The following LMBR1 variants were observed in gnomAD, a reference collection of about 807,000 sequenced individuals.
The protein encoded by LMBR1 is limb region 1 protein homolog.
In LMBR1, 52 loss-of-function variants were observed where a neutral mutation model predicts 73.9. The ratio of observed to expected loss-of-function variants is 0.70; its 90% CI spans 0.56 to 0.89. The LOEUF (loss-of-function observed/expected upper bound fraction) is 0.89, where lower values mean the gene tolerates loss of function less well. LMBR1 is among the 40% of genes least tolerant of loss of function. LMBR1 has a pLI of 0.00. For synonymous variants in LMBR1, 215 were observed against 209.4 expected (o/e 1.03, Z -0.23); for missense variants, 539 against 579.8 (o/e 0.93, Z 0.72).
At chr7:156,702,440 T>C (rs993607593) in intron 15 of LMBR1, among the ~76,000 whole-genome samples, 1 of 152,228 alleles carries the variant, frequency 6.6e-6, no homozygotes, top group South Asian at 2.1e-4. Flanking sequence ...GAACTGTATG[T>C]TCATGTCCTT....
intron 15 of LMBR1, among the ~76,000 whole-genome samples, chr7:156,718,874 T>TA (rs1813821003): frequency 6.6e-6 from 1 of 151,938 alleles, no homozygotes; most frequent in Non-Finnish European, 1.5e-5. Context: ...TTTTTTTTTT[T>TA]ACATAAAAAT....
chr7:156,866,726 C>T (rs1798519337), intron 1 of LMBR1, among the ~76,000 whole-genome samples: 1 of 151,714 alleles, frequency 6.6e-6, no homozygotes, highest in Non-Finnish European at 1.5e-5. Flanking sequence ...GCCTCAGCCT[C>T]CTGAGTAGCT....
At chr7:156,736,570 T>C (rs1451469458) in intron 9 of LMBR1, 4 of 456,982 alleles carry the variant, frequency 8.8e-6, no homozygotes, top group African/African-American at 2.0e-5. Flanking sequence ...TTCTGGCACT[T>C]GTCTTCCTGT....
intron 3 of LMBR1, 26 bp from the exon 4 acceptor site, chr7:156,826,770 C>A: frequency 6.3e-7 from 1 of 1,584,224 alleles, no homozygotes; most frequent in South Asian, 1.2e-5. Context: ...GTCACCATCA[C>A]AAGTGATCTG....
intron 1 of LMBR1, 118 bp downstream of exon 1, chr7:156,892,810 C>T (rs1803376729): frequency 7.6e-6 from 3 of 392,310 alleles, no homozygotes; most frequent in Non-Finnish European, 7.2e-6. Flanking sequence ...GAGGCCGGGG[C>T]GGGAGGCGCG....
chr7:156,820,516 T>C (rs949638902), intron 4 of LMBR1, among the ~76,000 whole-genome samples: 11 of 152,112 alleles, frequency 7.2e-5, no homozygotes, highest in Non-Finnish European at 1.5e-4. Context: ...GGTAAGACAT[T>C]TGTGTGTCAA....
At chr7:156,774,031 AC>A (rs1007259716) in intron 5 of LMBR1, among the ~76,000 whole-genome samples, 17 of 147,358 alleles carry the variant, frequency 1.2e-4, no homozygotes, top group African/African-American at 3.0e-4. Context: ...CAAAAAAAAA[AC>A]CACACTAAAA....
intron 1 of LMBR1, among the ~76,000 whole-genome samples, chr7:156,854,421 T>C (rs372128057): frequency 6.6e-6 from 1 of 152,164 alleles, no homozygotes; most frequent in East Asian, 1.9e-4. Context: ...GAGTAAAGAT[T>C]AGGGAAACTG....
At chr7:156,788,319 G>A (rs1235129026) in intron 5 of LMBR1, among the ~76,000 whole-genome samples, 1 of 152,122 alleles carries the variant, frequency 6.6e-6, no homozygotes, top group Non-Finnish European at 1.5e-5. Context: ...ATCTAGTGAA[G>A]ATTAACTTGG....
At chr7:156,789,304 A>C (rs561666076) in intron 5 of LMBR1, among the ~76,000 whole-genome samples, 1 of 152,302 alleles carries the variant, frequency 6.6e-6, no homozygotes, top group South Asian at 2.1e-4. Context: ...ACTTCAGAAC[A>C]ATACAACCTT....
intron 1 of LMBR1, among the ~76,000 whole-genome samples, chr7:156,872,467 G>A (rs1179386967): frequency 6.6e-6 from 1 of 152,034 alleles, no homozygotes; most frequent in African/African-American, 2.4e-5. Flanking sequence ...GACCAACGTG[G>A]AGAAACCCCA....
chr7:156,718,660 C>A (rs900819441), intron 15 of LMBR1, among the ~76,000 whole-genome samples: 2 of 152,046 alleles, frequency 1.3e-5, no homozygotes, highest in Non-Finnish European at 2.9e-5. Flanking sequence ...CTGCTTGAGC[C>A]CAGGAAGTTG....
At position 156,826,702 on chromosome 7, in the gene LMBR1, A is replaced by T. The variant is rs774854170; in HGVS notation, c.222T>A (p.Ala74=). 7 of 1,612,050 alleles carry T rather than the reference A, an allele frequency of 4.3e-6. No homozygotes were observed. Among genetic ancestry groups the T allele is most frequent in the Middle Eastern group, 1.6e-4 (1 of 6,076 alleles). The part of the protein sequence containing the change: ...STFTLAVSAG[A]VLLLPFSIIS... ...TGATTGAGAAGGGTAAAAGCAAAAC[A>T]GCCCCAGCTGACACTGCGAGAGTGA... Residue 74 remains alanine (A), a synonymous_variant, in exon 4 of 17, where the codon GCT becomes GCA. Coordinates refer to ENST00000353442, the MANE Select transcript of LMBR1 (RefSeq NM_022458.4).
chr7:156,849,082 A>G (rs561668673), intron 1 of LMBR1, among the ~76,000 whole-genome samples: 3 of 152,318 alleles, frequency 2.0e-5, no homozygotes, highest in African/African-American at 7.2e-5. Flanking sequence ...CACTATTCAC[A>G]ATAGCAAAGA....
intron 8 of LMBR1, among the ~76,000 whole-genome samples, chr7:156,758,594 G>A (rs952726404): frequency 2.0e-5 from 3 of 152,106 alleles, no homozygotes; most frequent in African/African-American, 7.2e-5. Flanking sequence ...ATGACAGCAG[G>A]TTGTTTAAAA....
chr7:156,779,701 TA>T (rs1826781931), intron 5 of LMBR1: 1 of 1,285,844 alleles, frequency 7.8e-7, no homozygotes. Context: ...GATGAACATT[TA>T]AACAAGGTTT....
chr7:156,783,355 A>G (rs1389019416), intron 5 of LMBR1, among the ~76,000 whole-genome samples: 3 of 151,422 alleles, frequency 2.0e-5, no homozygotes, highest in Non-Finnish European at 1.5e-5. Context: ...TTTATTTTGT[A>G]TTTTGTAGAG....
chr7:156,811,198 T>C (rs1833036988), intron 4 of LMBR1, among the ~76,000 whole-genome samples: 1 of 152,192 alleles, frequency 6.6e-6, no homozygotes, highest in Non-Finnish European at 1.5e-5. Flanking sequence ...TACTGTTTTA[T>C]ATACTTTCAC....
At chr7:156,824,228 T>A (rs566749318) in intron 4 of LMBR1, among the ~76,000 whole-genome samples, 2 of 152,260 alleles carry the variant, frequency 1.3e-5, no homozygotes, top group East Asian at 3.9e-4. Flanking sequence ...ACACACTACT[T>A]TATGAGCAGA....
Sources: gnomAD v4.1 joint callset for allele counts (sites outside exome capture counted in the v4.1 genomes callset) on GRCh38, gnomAD v4.1.1 for gene constraint, MANE v1.5 for transcripts, NCBI Gene and HGNC (gene_info 2026-07-23, HGNC 2026-07-21) for gene names.